Variants in SNX18 observed in about 807,000 individuals in gnomAD.
SNX18 encodes sorting nexin-18.
Under a neutral mutation model 48.7 loss-of-function variants are expected in SNX18, and 35 were observed. The observed-to-expected ratio is 0.72, with a 90% CI of 0.55 to 0.95. SNX18 has a LOEUF of 0.95. Ranked by LOEUF, SNX18 falls within the 40% of genes least tolerant of loss-of-function variation. The pLI is 0.00. For missense variants in SNX18, 824 were observed against 871.0 expected (o/e 0.95, Z 0.68); for synonymous variants, 492 against 384.7 (o/e 1.28, Z -3.26).
At chr5:54,577,054 G>A in the SNX18 span, among the ~76,000 whole-genome samples, 1 of 152,138 alleles carries the variant, frequency 6.6e-6, no homozygotes, top group Admixed American at 6.5e-5. Flanking sequence ...ACCCACCTTG[G>A]CATCCCAAAG....
At chr5:54,549,968 CTT>C (rs1278116473), downstream of SNX18, among the ~76,000 whole-genome samples, 3 of 152,190 alleles carry the variant, frequency 2.0e-5, no homozygotes, top group African/African-American at 7.2e-5. Context: ...AATGCAGAGT[CTT>C]AGTTCAAAAT....
the SNX18 span, among the ~76,000 whole-genome samples, chr5:54,569,168 T>C: frequency 6.6e-6 from 1 of 152,062 alleles, no homozygotes; most frequent in Non-Finnish European, 1.5e-5. Flanking sequence ...AAATAAAAAT[T>C]GCTTTAGTTT....
At chr5:54,562,617 C>T in the SNX18 span, among the ~76,000 whole-genome samples, 1 of 152,216 alleles carries the variant, frequency 6.6e-6, no homozygotes, top group African/African-American at 2.4e-5. Context: ...ACCTCCTGCA[C>T]TGCCTGTCGT....
chr5:54,580,125 G>C, the SNX18 span, among the ~76,000 whole-genome samples: 151 of 152,198 alleles, frequency 9.9e-4, 1 homozygote, highest in Middle Eastern at 3.4e-3. Context: ...GAGACAGAGA[G>C]AGAGAAAGAG....
chr5:54,605,515 A>C, the SNX18 span, among the ~76,000 whole-genome samples: 1 of 152,212 alleles, frequency 6.6e-6, no homozygotes, highest in Non-Finnish European at 1.5e-5. Context: ...ACTTTTTTAC[A>C]TAATTTTAAC....
Position 54,545,657 on chromosome 5 carries a change from T to G in SNX18, c.*2225T>G, listed in dbSNP as rs1762565743. On this transcript the variant is annotated 3_prime_UTR_variant, in exon 2 of 2. Coordinates refer to ENST00000381410, the MANE Select transcript of SNX18 (RefSeq NM_001102575.2). ...TAATGCCACTGATTCATACGGGATT[T>G]ACATTAATTCTATGGGGGAGGACAC... is the stretch of plus-strand genomic sequence containing the variant. The G allele has an allele frequency of 1.3e-5, 2 of 152,212 alleles. No homozygotes were observed. Among genetic ancestry groups the G allele is most frequent in the Non-Finnish European group, 2.9e-5 (2 of 68,038 alleles). The allele number at this position is 152,212 out of a possible 1,614,324, so 9.4% of individuals were successfully genotyped here. A position where few individuals can be genotyped will look rare whatever the true frequency, so the allele number is the denominator to read the frequency against.
the SNX18 span, among the ~76,000 whole-genome samples, chr5:54,555,120 TTGTC>T: frequency 1.3e-5 from 2 of 152,176 alleles, no homozygotes; most frequent in Non-Finnish European, 2.9e-5. Context: ...CAAGTCTTCT[TTGTC>T]TGGCTGAATC....
At chr5:54,526,434 A>G (rs1353831094) in intron 1 of SNX18, among the ~76,000 whole-genome samples, 1 of 152,124 alleles carries the variant, frequency 6.6e-6, no homozygotes, top group Non-Finnish European at 1.5e-5. Flanking sequence ...TAGCTTGATT[A>G]AACTTTAATT....
the SNX18 span, among the ~76,000 whole-genome samples, chr5:54,612,351 C>T: frequency 6.6e-6 from 1 of 151,752 alleles, no homozygotes; most frequent in Non-Finnish European, 1.5e-5. Flanking sequence ...CTCTGCCTCC[C>T]GGGTTCAAGC....
At chr5:54,580,744 T>C in the SNX18 span, among the ~76,000 whole-genome samples, 2 of 152,208 alleles carry the variant, frequency 1.3e-5, no homozygotes, top group Admixed American at 1.3e-4. Flanking sequence ...AGACAATCTC[T>C]GAGAAGAATA....
At chr5:54,646,411 GGTCT>G in the SNX18 span, among the ~76,000 whole-genome samples, 5 of 152,210 alleles carry the variant, frequency 3.3e-5, no homozygotes, top group Admixed American at 6.5e-5. Flanking sequence ...CCGTGTTCGT[GGTCT>G]GTCAACTTCT....
At chr5:54,530,743 A>ATTTTTTTTTT (rs1762238967) in intron 1 of SNX18, among the ~76,000 whole-genome samples, 1 of 58,052 alleles carries the variant, frequency 1.7e-5, no homozygotes, top group African/African-American at 6.6e-5. Flanking sequence ...GAACCACAGA[A>ATTTTTTTTTT]ATTTTTTTTT....
the SNX18 span, among the ~76,000 whole-genome samples, chr5:54,627,222 G>A: frequency 6.6e-6 from 1 of 152,164 alleles, no homozygotes; most frequent in Non-Finnish European, 1.5e-5. Flanking sequence ...TAGCTGAAAA[G>A]CAGAGCAATT....
the SNX18 span, among the ~76,000 whole-genome samples, chr5:54,636,339 GA>G: frequency 6.6e-6 from 1 of 151,092 alleles, no homozygotes; most frequent in Non-Finnish European, 1.5e-5. Flanking sequence ...TGAAGCACAT[GA>G]CATTTTGATG....
At chr5:54,569,034 G>A in the SNX18 span, among the ~76,000 whole-genome samples, 2 of 151,806 alleles carry the variant, frequency 1.3e-5, no homozygotes, top group East Asian at 1.9e-4. Context: ...GTAGAGACAT[G>A]GTTTTGCCAT....
At chr5:54,553,304 G>A in the SNX18 span, among the ~76,000 whole-genome samples, 1 of 152,166 alleles carries the variant, frequency 6.6e-6, no homozygotes, top group Non-Finnish European at 1.5e-5. Context: ...AACGAGACAT[G>A]GTGGCCCACA....
intron 1 of SNX18, among the ~76,000 whole-genome samples, chr5:54,534,588 CT>C (rs1329208748): frequency 3.3e-5 from 5 of 149,666 alleles, no homozygotes; most frequent in South Asian, 2.1e-4. Flanking sequence ...TTTTTTCCCC[CT>C]GTCTCACTTT....
At chr5:54,646,048 C>T in the SNX18 span, 6 of 152,110 alleles carry the variant, frequency 3.9e-5, no homozygotes, top group Non-Finnish European at 2.9e-5. Context: ...TTCATTATTG[C>T]TTTTTTCTTT....
the SNX18 span, among the ~76,000 whole-genome samples, chr5:54,564,094 T>C: frequency 3.3e-5 from 5 of 151,696 alleles, no homozygotes; most frequent in Non-Finnish European, 5.9e-5. Flanking sequence ...AGCGTGGCCA[T>C]CTCTACTAAA....
Sources: allele counts gnomAD v4.1 joint callset (sites outside exome capture counted in the v4.1 genomes callset), GRCh38; gene constraint gnomAD v4.1.1; transcripts MANE v1.5; gene names NCBI Gene and HGNC (gene_info 2026-07-23, HGNC 2026-07-21).